Variants in FAXC observed in about 807,000 individuals in gnomAD.
FAXC encodes failed axon connections homolog.
In FAXC, 10 loss-of-function variants were observed where a neutral mutation model predicts 41.9. The observed-to-expected ratio is 0.24, with a 90% confidence interval of 0.15 to 0.41. The LOEUF is 0.41. Ranked by LOEUF, FAXC falls within the 10% of genes least tolerant of loss-of-function variation. FAXC has a pLI of 1.00. For missense variants in FAXC, 399 were observed against 510.9 expected, an observed-to-expected ratio of 0.78 and a Z score of 2.11; for synonymous variants, 183 against 183.8, an observed-to-expected ratio of 1.00 and a Z score of 0.03.
At chr6:99,326,176 A>C (rs1210531043) in intron 3 of FAXC, among the ~76,000 whole-genome samples, 1 of 152,222 alleles carries the variant, frequency 6.6e-6, no homozygotes, top group African/African-American at 2.4e-5. Context: ...TTAAACAGAC[A>C]AGAAACATAA....
intron 4 of FAXC, among the ~76,000 whole-genome samples, chr6:99,295,705 G>A (rs1469977959): frequency 6.6e-6 from 1 of 152,092 alleles, no homozygotes; most frequent in South Asian, 2.1e-4. Flanking sequence ...ACCTTCGCAG[G>A]GCATCATATC....
chr6:99,284,426 A>G (rs536413352), intron 5 of FAXC, among the ~76,000 whole-genome samples: 1 of 152,238 alleles, frequency 6.6e-6, no homozygotes, highest in South Asian at 2.1e-4. Context: ...GGACATCTAT[A>G]GTTGGGTTTT....
At chr6:99,303,227 T>C (rs567919090) in intron 4 of FAXC, among the ~76,000 whole-genome samples, 1 of 152,286 alleles carries the variant, frequency 6.6e-6, no homozygotes, top group Admixed American at 6.5e-5. Flanking sequence ...TTTGTCTAGA[T>C]TGTATACTCA....
intron 2 of FAXC, among the ~76,000 whole-genome samples, chr6:99,339,048 T>G (rs949410100): frequency 5.9e-5 from 9 of 152,154 alleles, no homozygotes; most frequent in Non-Finnish European, 1.3e-4. Context: ...AGCATTGCCT[T>G]AGAAGGATCA....
rs529164273 is a variant in FAXC, at chr6:99,349,347, G to A, written c.26C>T (p.Ser9Leu). Residue 9 changes from serine (S) to leucine (L), a missense_variant, in exon 1 of 6, where the codon TCG becomes TTG. Around this residue, in one of 3 missense-constraint regions of FAXC, gnomAD observed 68 missense variants for 63.4 expected, o/e 1.07. Coordinates refer to ENST00000389677, the MANE Select transcript of FAXC (RefSeq NM_032511.4). ...CAGATCCACCACGCACGGCCTGGACGAAGCAAAGCCAACCCCCCAGTGCAT... is the reference window on the plus strand; with the variant it reads ...CAGATCCACCACGCACGGCCTGGACAAAGCAAAGCCAACCCCCCAGTGCAT... MHWGVGFA[S>L]SRPCVVDLSW... The A allele has an allele frequency of 1.9e-5, 30 of 1,612,514 alleles. No individual in the cohort carries two copies. Among genetic ancestry groups the A allele is most frequent in the Non-Finnish European group, 2.5e-5 (30 of 1,179,870 alleles).
intron 3 of FAXC, among the ~76,000 whole-genome samples, chr6:99,324,774 G>A (rs1384997505): frequency 2.0e-5 from 3 of 152,184 alleles, no homozygotes; most frequent in Admixed American, 6.5e-5. Flanking sequence ...ATGCAGCTGT[G>A]TGCGAGTACA....
Position 99,318,306 on chromosome 6 carries a change from C to CACAAAAAAAAAA in FAXC, c.823+5137_823+5138insTTTTTTTTTTGT, listed in dbSNP as rs147852055. The stretch of plus-strand genomic sequence containing the variant: ...ACACACACACACACACACACACACA[C>CACAAAAAAAAAA]AAAATAGAAGAAATGGAAAATATAT... On this transcript the variant is annotated intron_variant, in intron 4 of 5. Coordinates refer to ENST00000389677, the MANE Select transcript of FAXC (RefSeq NM_032511.4). Among the ~76,000 whole-genome samples the CACAAAAAAAAAA allele has an allele frequency of 8.3e-4, 112 of 135,318 alleles. 2 individuals are homozygous for CACAAAAAAAAAA. The highest frequency in any genetic ancestry group is 7.8e-3 in the Middle Eastern group (2 of 256). 88.8% of individuals were successfully genotyped at this position (135,318 alleles called of 152,430 possible).
chr6:99,317,517 C>T (rs182152867), intron 4 of FAXC, among the ~76,000 whole-genome samples: 1 of 150,988 alleles, frequency 6.6e-6, no homozygotes, highest in Admixed American at 6.6e-5. Flanking sequence ...GTATTTAAAG[C>T]ACAATTCTTA....
chr6:99,302,286 C>A (rs9402648), intron 4 of FAXC, among the ~76,000 whole-genome samples: 7,237 of 152,272 alleles, frequency 0.048, 477 homozygotes, highest in East Asian at 0.34. Flanking sequence ...AAGAAAGATG[C>A]CTAAGATAGA....
At chr6:99,335,250 A>T (rs9321484) in intron 2 of FAXC, among the ~76,000 whole-genome samples, 9,263 of 152,298 alleles carry the variant, frequency 0.061, 402 homozygotes, top group Admixed American at 0.14. Context: ...AATTGTAGAA[A>T]GTAAAAAATT....
chr6:99,296,214 G>A (rs923408529), intron 4 of FAXC, among the ~76,000 whole-genome samples: 7 of 152,104 alleles, frequency 4.6e-5, no homozygotes, highest in Non-Finnish European at 1.0e-4. Context: ...AGACAAAGAG[G>A]CCAAGTTAAA....
chr6:99,341,218 T>C (rs1033907179), intron 2 of FAXC, among the ~76,000 whole-genome samples: 2 of 151,702 alleles, frequency 1.3e-5, no homozygotes, highest in African/African-American at 4.8e-5. Flanking sequence ...AAGCAGGAAA[T>C]GAGAAGAAAT....
chr6:99,287,483 G>T (rs1388649809), intron 5 of FAXC, among the ~76,000 whole-genome samples: 1 of 151,958 alleles, frequency 6.6e-6, no homozygotes, highest in Admixed American at 6.6e-5. Context: ...TATATTCAAA[G>T]CCTGTCCTCC....
At chr6:99,340,092 G>C (rs1045143467) in intron 2 of FAXC, among the ~76,000 whole-genome samples, 2 of 151,956 alleles carry the variant, frequency 1.3e-5, no homozygotes, top group African/African-American at 4.8e-5. Context: ...AGAAGAATGA[G>C]ATTAACATCA....
chr6:99,313,048 G>A (rs549295379), intron 4 of FAXC, among the ~76,000 whole-genome samples: 43 of 152,322 alleles, frequency 2.8e-4, no homozygotes, highest in African/African-American at 1.0e-3. Flanking sequence ...ATCCCAGCAC[G>A]TTGTGGGGCC....
chr6:99,278,418 C>A lies in FAXC; in HGVS notation c.*2746G>T, dbSNP rs1179085877. ...AAGCATCTGTTAACATTAAAGATCA[C>A]ATACTTCAAGTTACCTTCCAGCAAA... On this transcript the variant is annotated 3_prime_UTR_variant, in exon 6 of 6. Coordinates refer to ENST00000389677, the MANE Select transcript of FAXC (RefSeq NM_032511.4). 6.6e-6 allele frequency: 1 copy of A among 152,204 alleles called. No individual in the cohort carries two copies. The highest frequency in any genetic ancestry group is 1.5e-5 in the Non-Finnish European group (1 of 68,036). 9.4% of individuals were successfully genotyped at this position (152,204 alleles called of 1,614,324 possible). A position where few individuals can be genotyped will look rare whatever the true frequency, so the allele number is the denominator to read the frequency against.
At chr6:99,328,809 G>C (rs616805) in intron 3 of FAXC, among the ~76,000 whole-genome samples, 1,784 of 152,220 alleles carry the variant, frequency 0.012, 39 homozygotes, top group African/African-American at 0.042. Flanking sequence ...TCTGCCTCCA[G>C]CCTTTGAGCC....
chr6:99,309,213 T>A (rs1772059640), intron 4 of FAXC, among the ~76,000 whole-genome samples: 2 of 152,290 alleles, frequency 1.3e-5, no homozygotes, highest in Non-Finnish European at 1.5e-5. Context: ...TGTAAGGGTT[T>A]TTTTTTTCTT....
intron 4 of FAXC, among the ~76,000 whole-genome samples, chr6:99,320,066 G>C (rs1019121108): frequency 1.3e-5 from 2 of 152,110 alleles, no homozygotes; most frequent in Admixed American, 1.3e-4. Context: ...GCAAGAGCAG[G>C]CATCTTTGTT....
Sources: gnomAD v4.1 joint callset for allele counts (sites outside exome capture counted in the v4.1 genomes callset) on GRCh38, gnomAD v4.1.1 for gene constraint, gnomAD v4.1.1 regional missense constraint, MANE v1.5 for transcripts, NCBI Gene and HGNC (gene_info 2026-07-23, HGNC 2026-07-21) for gene names.